XPO6: variants seen among roughly 807,000 people sequenced by gnomAD.
XPO6 encodes the protein exportin-6.
In XPO6, 3 loss-of-function variants were observed where a neutral mutation model predicts 130.0. The observed-to-expected ratio is 0.02, with a 90% CI of 0.01 to 0.06. The LOEUF is 0.06. Among genes scored for constraint, XPO6 ranks in the 10% least tolerant of loss-of-function variants. The pLI is 1.00. For synonymous variants in XPO6, 524 were observed against 548.9 expected, an observed-to-expected ratio of 0.95 and a Z score of 0.63; for missense variants, 970 against 1,393.0, an observed-to-expected ratio of 0.70 and a Z score of 4.83.
chr16:28,105,504 C>T (rs1470706533), intron 20 of XPO6, among the ~76,000 whole-genome samples: 2 of 152,226 alleles, frequency 1.3e-5, no homozygotes, highest in African/African-American at 4.8e-5. Context: ...GCAACCAGAC[C>T]TGTCCCAGTC....
chr16:28,146,926 T>A (rs980658854), intron 8 of XPO6, among the ~76,000 whole-genome samples: 2 of 152,128 alleles, frequency 1.3e-5, no homozygotes, highest in Admixed American at 1.3e-4. Flanking sequence ...CTCTATTTCA[T>A]GCAAAGTCCA....
intron 9 of XPO6, among the ~76,000 whole-genome samples, chr16:28,143,942 G>A (rs2042939802): frequency 6.6e-6 from 1 of 152,020 alleles, no homozygotes; most frequent in South Asian, 2.1e-4. Flanking sequence ...GCCTTGTACT[G>A]TTTTTTAAAA....
chr16:28,190,392 T>G (rs1446984639), intron 1 of XPO6, among the ~76,000 whole-genome samples: 1 of 152,040 alleles, frequency 6.6e-6, no homozygotes, highest in Non-Finnish European at 1.5e-5. Context: ...GCTAATTTTT[T>G]TTGAATTTTT....
At position 28,112,909 on chromosome 16, in the gene XPO6, C is replaced by T. The variant is rs753566648; in HGVS notation, c.2146G>A (p.Asp716Asn). 12 of 1,613,196 alleles carry T rather than the reference C, an allele frequency of 7.4e-6. 1 individual carries two copies. The highest frequency in any genetic ancestry group is 6.7e-5 in the Admixed American group (4 of 59,928). ...GGGGAGCTCTGGGGCCTCACCTTAT[C>T]GACAAGTCGCAGGGCAGAGGCATCA... ...ITDASALRLV[D>N]KAQVLVCRAL... is the part of the protein sequence containing the mutation. Residue 716 changes from aspartate (D) to asparagine (N), a missense_variant, in exon 16 of 24, where the codon GAT (aspartate) becomes AAT (asparagine). This residue lies in a region of XPO6 where 936 missense variants were observed against 1,306.8 expected (regional missense o/e 0.72). Coordinates refer to ENST00000304658, the MANE Select transcript of XPO6 (RefSeq NM_015171.4).
chr16:28,109,509 G>A (rs2086868332), intron 17 of XPO6, among the ~76,000 whole-genome samples: 2 of 151,896 alleles, frequency 1.3e-5, no homozygotes, highest in South Asian at 2.1e-4. Context: ...GCATCACCAA[G>A]GATGGGACAA....
chr16:28,109,936 T>C (rs972199604), intron 17 of XPO6, among the ~76,000 whole-genome samples: 1 of 152,212 alleles, frequency 6.6e-6, no homozygotes, highest in Non-Finnish European at 1.5e-5. Context: ...AGAAAAAGTG[T>C]GTTGCAGAAA....
chr16:28,171,351 G>A (rs2043445343), intron 4 of XPO6, among the ~76,000 whole-genome samples: 1 of 151,370 alleles, frequency 6.6e-6, no homozygotes, highest in African/African-American at 2.4e-5. Flanking sequence ...TACTCAGGAG[G>A]CTGAGGCAGG....
intron 16 of XPO6, 126 bp from the exon 17 acceptor site, chr16:28,112,132 G>A (rs2141248670): frequency 9.1e-7 from 1 of 1,103,926 alleles, no homozygotes; most frequent in Non-Finnish European, 1.3e-6. Context: ...CTCGTTTCTT[G>A]CAACCTGGGC....
chr16:28,139,787 T>G (rs906489473), intron 9 of XPO6, among the ~76,000 whole-genome samples: 2 of 151,656 alleles, frequency 1.3e-5, no homozygotes, highest in African/African-American at 4.9e-5. Context: ...ATAGACACAC[T>G]GGAAAAGAAA....
chr16:28,117,760 T>G (rs997008461), intron 14 of XPO6, among the ~76,000 whole-genome samples: 1 of 152,146 alleles, frequency 6.6e-6, no homozygotes, highest in African/African-American at 2.4e-5. Flanking sequence ...AAAAGCAAAA[T>G]CAAAGAACTT....
In XPO6 at chr16:28,169,747, C is replaced by T. The variant is rs376710979; in HGVS notation, c.565+3G>A. On this transcript the variant is annotated splice_donor_region_variant and intron_variant, in intron 5 of 23. Coordinates refer to ENST00000304658, the MANE Select transcript of XPO6 (RefSeq NM_015171.4). ...TATCTCTGGGCACTACCATACTGCT[C>T]ACCTGTCAGTAGCCCAAGCACTGTC... 8.8e-5 allele frequency: 142 copies of T among 1,613,468 alleles called. No homozygotes were observed. The highest frequency in any genetic ancestry group is 1.2e-4 in the Non-Finnish European group (139 of 1,179,758).
chr16:28,155,404 T>C lies in XPO6; in HGVS notation c.1097+670A>G, dbSNP rs1344211771. 2.4e-4 allele frequency among the ~76,000 whole-genome samples: 36 copies of C among 151,534 alleles called. 1 individual carries two copies. The highest frequency in any genetic ancestry group is 2.4e-3 in the Admixed American group (36 of 15,202). ...TGACCTCATCTGCAAGAGACATAAATCATGAAACCCTGCCTCAGAGTACTG... is the reference window on the plus strand; with the variant it reads ...TGACCTCATCTGCAAGAGACATAAACCATGAAACCCTGCCTCAGAGTACTG... On this transcript the variant is annotated intron_variant, in intron 7 of 23. Coordinates refer to ENST00000304658, the MANE Select transcript of XPO6 (RefSeq NM_015171.4).
chr16:28,204,677 A>G (rs1487158153), intron 1 of XPO6, among the ~76,000 whole-genome samples: 1 of 152,176 alleles, frequency 6.6e-6, no homozygotes, highest in Non-Finnish European at 1.5e-5. Context: ...TTCGAGGCCT[A>G]GAGTGTTCCG....
chr16:28,105,979 A>G, intron 20 of XPO6, 64 bp downstream of exon 20: 1 of 1,571,180 alleles, frequency 6.4e-7, no homozygotes, highest in Non-Finnish European at 8.7e-7. Flanking sequence ...TTTTCTGTGA[A>G]ATCTCATTCC....
At chr16:28,203,611 C>T (rs2043984567) in intron 1 of XPO6, among the ~76,000 whole-genome samples, 1 of 152,206 alleles carries the variant, frequency 6.6e-6, no homozygotes, top group African/African-American at 2.4e-5. Flanking sequence ...TATCAGTTTA[C>T]ATGTTATCGC....
At chr16:28,166,395 G>A in intron 6 of XPO6, 113 bp downstream of exon 6, 1 of 1,143,348 alleles carries the variant, frequency 8.7e-7, no homozygotes, top group Non-Finnish European at 1.3e-6. Context: ...TTGGCCTCTA[G>A]TGATCCTCCC....
chr16:28,181,071 T>C (rs1171974392), intron 1 of XPO6, 40 bp from the exon 2 acceptor site: 1 of 1,490,004 alleles, frequency 6.7e-7, no homozygotes, highest in Admixed American at 1.7e-5. Flanking sequence ...AAGCTGCATC[T>C]TCAGTTCCAC....
chr16:28,180,565 C>A (rs1190757961), intron 2 of XPO6, among the ~76,000 whole-genome samples: 1 of 152,036 alleles, frequency 6.6e-6, no homozygotes, highest in African/African-American at 2.4e-5. Context: ...GGTGCAGTGG[C>A]TCCCGCTTAT....
intron 1 of XPO6, among the ~76,000 whole-genome samples, chr16:28,189,633 T>C (rs999561333): frequency 6.6e-6 from 1 of 151,934 alleles, no homozygotes; most frequent in African/African-American, 2.4e-5. Flanking sequence ...AACCACAGCA[T>C]GTAACAGGAC....
Sources: gnomAD v4.1 joint callset for allele counts (sites outside exome capture counted in the v4.1 genomes callset) on GRCh38, gnomAD v4.1.1 for gene constraint, gnomAD v4.1.1 regional missense constraint, MANE v1.5 for transcripts, NCBI Gene and HGNC (gene_info 2026-07-23, HGNC 2026-07-21) for gene names.